MAP3K13: variants seen among roughly 807,000 people sequenced by gnomAD.
MAP3K13 encodes the protein mitogen-activated protein kinase kinase kinase 13.
In MAP3K13, 52 loss-of-function variants were observed where a neutral mutation model predicts 104.0. That is an observed-to-expected ratio of 0.50 (90% CI 0.40 to 0.63). MAP3K13 has a LOEUF of 0.63. Among genes scored for constraint, MAP3K13 ranks in the 20% least tolerant of loss-of-function variants. The probability of loss-of-function intolerance (pLI) is 0.00; values close to 1 mark genes in which losing one functional copy is unlikely to be tolerated. For synonymous variants in MAP3K13, 394 were observed against 442.2 expected (o/e 0.89, Z 1.37); for missense variants, 914 against 1,218.5 (o/e 0.75, Z 3.72).
Position 185,455,646 on chromosome 3 carries a change from GATAT to G in MAP3K13, c.1278+4258_1278+4261del, listed in dbSNP as rs1203655836. ...TATGATATATATATGATATATATGAGATATATATATGATATATATATGATATATA... is the reference window on the plus strand; with the variant it reads ...TATGATATATATATGATATATATGAGATATATGATATATATATGATATATA... On this transcript the variant is annotated intron_variant, in intron 7 of 13. Transcript: ENST00000265026. Among the ~76,000 whole-genome samples, 48 of 8,102 alleles carry G rather than the reference GATAT, an allele frequency of 5.9e-3. 4 individuals carry two copies. The highest frequency in any genetic ancestry group is 0.012 in the African/African-American group (36 of 3,090). 5.3% of individuals were successfully genotyped at this position (8,102 alleles called of 152,430 possible).
At chr3:185,442,537 C>CTT (rs374944629) in intron 3 of MAP3K13, among the ~76,000 whole-genome samples, 3 of 144,320 alleles carry the variant, frequency 2.1e-5, no homozygotes, top group Non-Finnish European at 3.1e-5. Flanking sequence ...CCTTTTTTTT[C>CTT]TTTTTTTTTT....
In MAP3K13 at chr3:185,477,323, C is replaced by T. The variant is rs2148927502; in HGVS notation, c.2431-3C>T. The T allele has an allele frequency of 6.3e-7, 1 of 1,594,550 alleles. No individual in the cohort carries two copies. The highest frequency in any genetic ancestry group is 8.6e-7 in the Non-Finnish European group (1 of 1,162,256). On this transcript the variant is annotated splice_region_variant and splice_polypyrimidine_tract_variant and intron_variant, in intron 11 of 13. Transcript: ENST00000265026. ...TAAAACTCTTAATCCTTGTTCTCCT[C>T]AGAGTGGAGATGACTCCTCAGAAGA... is the stretch of plus-strand genomic sequence containing the variant.
intron 2 of MAP3K13, among the ~76,000 whole-genome samples, chr3:185,433,236 G>A (rs897005837): frequency 4.6e-5 from 7 of 152,192 alleles, no homozygotes; most frequent in African/African-American, 7.2e-5. Flanking sequence ...TTGCCTTAAA[G>A]TGGGTGGGCA....
At position 185,344,096 on chromosome 3, in the gene MAP3K13, C is replaced by T. The variant is rs1267597744; in HGVS notation, c.-86+58453C>T. On this transcript the variant is annotated intron_variant, in intron 2 of 14. Transcript: ENST00000424227. ...TTGAATGTTTCCCATACACAAGGCC[C>T]TTTGCTAGATGCTACCCAATTTTGC... Among the ~76,000 whole-genome samples, 10 of 152,214 alleles carry T rather than the reference C, an allele frequency of 6.6e-5. No individual in the cohort carries two copies. The East Asian group carries it at 1.9e-3, about 29-fold the overall frequency.
chr3:185,480,838 G>A (rs971741595), intron 13 of MAP3K13, among the ~76,000 whole-genome samples: 1 of 152,136 alleles, frequency 6.6e-6, no homozygotes, highest in African/African-American at 2.4e-5. Flanking sequence ...AGAAAGCAAA[G>A]GGGAAAGTGC....
chr3:185,327,988 G>A (rs183203365), intron 2 of MAP3K13, among the ~76,000 whole-genome samples: 74 of 149,340 alleles, frequency 5.0e-4, no homozygotes, highest in African/African-American at 1.7e-3. Context: ...GGAAAGAAGG[G>A]GGAAGGAGGG....
intron 7 of MAP3K13, among the ~76,000 whole-genome samples, chr3:185,454,909 T>TATATATATGAGATATATATC (rs1716314391): frequency 1.1e-5 from 1 of 95,152 alleles, no homozygotes; most frequent in Admixed American, 1.4e-4. Flanking sequence ...ATATATATGA[T>TATATATATGAGATATATATC]ATATATATGA....
chr3:185,369,413 T>C (rs1283566289), intron 1 of MAP3K13, among the ~76,000 whole-genome samples: 1 of 152,222 alleles, frequency 6.6e-6, no homozygotes, highest in African/African-American at 2.4e-5. Flanking sequence ...ATTAACTTTA[T>C]TGTATAAGTG....
At chr3:185,439,759 C>T (rs552541922) in intron 3 of MAP3K13, among the ~76,000 whole-genome samples, 178 of 152,136 alleles carry the variant, frequency 1.2e-3, no homozygotes, top group African/African-American at 4.1e-3. Flanking sequence ...TTCCTTTTTC[C>T]CACCTCTCCC....
chr3:185,434,441 A>G (rs980597969), intron 2 of MAP3K13, among the ~76,000 whole-genome samples: 1 of 152,232 alleles, frequency 6.6e-6, no homozygotes, highest in Admixed American at 6.5e-5. Context: ...AACTATCAAA[A>G]TCCTTTTGGA....
At chr3:185,453,496 G>C (rs960142656) in intron 7 of MAP3K13, among the ~76,000 whole-genome samples, 18 of 152,052 alleles carry the variant, frequency 1.2e-4, no homozygotes, top group African/African-American at 3.9e-4. Context: ...ATCCCTGGGA[G>C]CTGAACAAGT....
intron 7 of MAP3K13, among the ~76,000 whole-genome samples, chr3:185,455,423 G>T (rs1212249270): frequency 7.3e-5 from 3 of 40,838 alleles, no homozygotes; most frequent in African/African-American, 9.3e-5. Flanking sequence ...AGATATATAT[G>T]ATATATATGA....
intron 1 of MAP3K13, chr3:185,285,376 T>G: frequency 2.6e-6 from 1 of 386,924 alleles, no homozygotes; most frequent in Non-Finnish European, 4.7e-6. Context: ...CAGTCTCCTG[T>G]TCAGTGTCAA....
intron 1 of MAP3K13, among the ~76,000 whole-genome samples, chr3:185,387,602 A>G (rs1473834102): frequency 6.6e-6 from 1 of 152,216 alleles, no homozygotes; most frequent in African/African-American, 2.4e-5. Context: ...CAGAAAAATT[A>G]TTGATAAAAT....
chr3:185,364,133 T>C (rs1723764888), intron 1 of MAP3K13, among the ~76,000 whole-genome samples: 1 of 152,262 alleles, frequency 6.6e-6, no homozygotes, highest in Non-Finnish European at 1.5e-5. Context: ...AAGATGAACT[T>C]ATTAGCTGAA....
At chr3:185,416,188 A>G (rs1249414627) in intron 1 of MAP3K13, among the ~76,000 whole-genome samples, 2 of 152,112 alleles carry the variant, frequency 1.3e-5, no homozygotes, top group African/African-American at 2.4e-5. Flanking sequence ...CAGTTTCTAT[A>G]TATATCAACC....
chr3:185,473,343 G>A lies in MAP3K13; in HGVS notation c.2012G>A (p.Arg671Lys), dbSNP rs1445224231. The change falls in exon 11 of 14, where the codon AGG (arginine) becomes AAG (lysine). Residue 671 changes from arginine to lysine, a missense_variant. By Grantham distance (26) the Arg-to-Lys change is conservative. Transcript: ENST00000265026. This position sits in a 1 kb window ranked among gnomAD's most constrained non-coding sequence, Gnocchi z 4.9. The stretch of plus-strand genomic sequence containing the variant: ...ATAGCAACCTGCGCCAACAACCTGA[G>A]GTATTTCGGCCCAGCAGCAGCCCTG... ...QDIATCANNL[R>K]YFGPAAALRS... The A allele has an allele frequency of 1.9e-6, 3 of 1,614,060 alleles. No individual in the cohort carries two copies. The highest frequency in any genetic ancestry group is 2.5e-6 in the Non-Finnish European group (3 of 1,180,042).
At position 185,440,817 on chromosome 3, in the gene MAP3K13, G is replaced by A. The variant is rs145078364; in HGVS notation, c.660-2628G>A. Among the ~76,000 whole-genome samples the A allele has an allele frequency of 4.3e-3, 659 of 152,306 alleles. 2 individuals are homozygous for A. Among genetic ancestry groups the A allele is most frequent in the Non-Finnish European group, 7.1e-3 (484 of 68,036 alleles). On this transcript the variant is annotated intron_variant, in intron 3 of 13. Transcript: ENST00000265026. ...AGCTGGCTGAAGGCTTTAACTGGATGTCTTACAGATACTCTGCTAACTTCT... is the reference window on the plus strand; with the variant it reads ...AGCTGGCTGAAGGCTTTAACTGGATATCTTACAGATACTCTGCTAACTTCT...
intron 1 of MAP3K13, among the ~76,000 whole-genome samples, chr3:185,412,313 AT>A (rs1414612635): frequency 6.6e-6 from 1 of 151,974 alleles, no homozygotes; most frequent in African/African-American, 2.4e-5. Flanking sequence ...TATATTTATC[AT>A]TTTTTAGCAC....
Sources: allele counts gnomAD v4.1 joint callset (sites outside exome capture counted in the v4.1 genomes callset), GRCh38; gene constraint gnomAD v4.1.1; non-coding constraint Gnocchi (gnomAD v3.1); transcripts MANE v1.5; gene names NCBI Gene and HGNC (gene_info 2026-07-23, HGNC 2026-07-21).